The following PRIM2 variants were observed in gnomAD, a reference collection of about 807,000 sequenced individuals.
PRIM2 encodes the protein DNA primase large subunit.
A neutral mutation model predicts 67.3 loss-of-function variants in PRIM2; 39 were observed. That is an observed-to-expected ratio of 0.58 (90% CI 0.45 to 0.76). The LOEUF (loss-of-function observed/expected upper bound fraction) is 0.76, where lower values mean the gene tolerates loss of function less well. Among genes scored for constraint, PRIM2 ranks in the 30% least tolerant of loss-of-function variants. The pLI, the probability that PRIM2 is intolerant of heterozygous loss-of-function variation, is 0.00. For synonymous variants in PRIM2, 143 were observed against 198.7 expected, an observed-to-expected ratio of 0.72 and a Z score of 2.36; for missense variants, 398 against 598.7, an observed-to-expected ratio of 0.66 and a Z score of 3.50.
chr6:57,256,968 G>GA, the PRIM2 span, among the ~76,000 whole-genome samples: 2 of 152,044 alleles, frequency 1.3e-5, no homozygotes, highest in Non-Finnish European at 2.9e-5. Context: ...TGACATTGGG[G>GA]AAAAAAACCC....
chr6:57,405,528 C>G (rs1323574378), intron 7 of PRIM2, among the ~76,000 whole-genome samples: 2 of 137,982 alleles, frequency 1.4e-5, no homozygotes, highest in African/African-American at 2.7e-5. Flanking sequence ...ATTAAACTAA[C>G]TTTCTCATAG....
intron 10 of PRIM2, among the ~76,000 whole-genome samples, chr6:57,592,558 G>A (rs1258534185): frequency 2.6e-5 from 4 of 152,162 alleles, no homozygotes; most frequent in African/African-American, 9.7e-5. Context: ...ACTTTGGGAG[G>A]CTGAGGTGGG....
intron 7 of PRIM2, among the ~76,000 whole-genome samples, chr6:57,481,248 C>T (rs1773621053): frequency 6.6e-6 from 1 of 151,920 alleles, no homozygotes; most frequent in Non-Finnish European, 1.5e-5. Flanking sequence ...CTCATTCTAC[C>T]CTGTTATAGT....
chr6:57,439,575 C>T (rs1772135078), intron 7 of PRIM2, among the ~76,000 whole-genome samples: 1 of 151,662 alleles, frequency 6.6e-6, no homozygotes, highest in African/African-American at 2.4e-5. Flanking sequence ...GCCACCACGC[C>T]CAGCTACTTT....
chr6:57,405,350 T>C (rs1448616585), intron 7 of PRIM2, among the ~76,000 whole-genome samples: 2 of 150,650 alleles, frequency 1.3e-5, no homozygotes, highest in Non-Finnish European at 3.0e-5. Flanking sequence ...TTTTTAACAG[T>C]GACTGGACAT....
chr6:57,261,095 AAGGTTG>A, the PRIM2 span, among the ~76,000 whole-genome samples: 2 of 152,148 alleles, frequency 1.3e-5, no homozygotes, highest in Non-Finnish European at 2.9e-5. Context: ...CTTTTCTGTG[AAGGTTG>A]AGGCTCTCCC....
At chr6:57,370,756 G>A (rs1581836231) in intron 5 of PRIM2, among the ~76,000 whole-genome samples, 1 of 144,724 alleles carries the variant, frequency 6.9e-6, no homozygotes, top group African/African-American at 2.5e-5. Flanking sequence ...GTGCAGTGGT[G>A]CGATCTCAGC....
intron 11 of PRIM2, among the ~76,000 whole-genome samples, chr6:57,606,173 C>A (rs1776557965): frequency 6.6e-6 from 1 of 152,176 alleles, no homozygotes; most frequent in Non-Finnish European, 1.5e-5. Flanking sequence ...AACTCTTGAG[C>A]CTGGAGTGCC....
At chr6:57,474,048 A>T (rs1242314077) in intron 7 of PRIM2, among the ~76,000 whole-genome samples, 4 of 151,892 alleles carry the variant, frequency 2.6e-5, no homozygotes. Context: ...GAATTTGTAG[A>T]TATTATCCAC....
chr6:57,334,534 G>A (rs749673461), intron 5 of PRIM2, among the ~76,000 whole-genome samples: 6 of 152,094 alleles, frequency 3.9e-5, no homozygotes, highest in Admixed American at 2.6e-4. Context: ...GTGTAGTGGT[G>A]CACACCTGTA....
chr6:57,580,243 CA>C (rs1776056446), intron 10 of PRIM2, among the ~76,000 whole-genome samples: 1 of 151,912 alleles, frequency 6.6e-6, no homozygotes, highest in Admixed American at 6.6e-5. Context: ...CTCCTGTTTA[CA>C]AAAAATAAAA....
At chr6:57,496,038 G>A (rs1172917049) in intron 7 of PRIM2, among the ~76,000 whole-genome samples, 1 of 152,132 alleles carries the variant, frequency 6.6e-6, no homozygotes, top group Non-Finnish European at 1.5e-5. Flanking sequence ...GAGCCACTGC[G>A]CCCAGCCCAC....
chr6:57,413,266 A>G (rs1446825025), intron 7 of PRIM2, among the ~76,000 whole-genome samples: 1 of 152,022 alleles, frequency 6.6e-6, no homozygotes, highest in African/African-American at 2.4e-5. Flanking sequence ...GAGAAGGAAA[A>G]AATGGAGGGG....
intron 12 of PRIM2, among the ~76,000 whole-genome samples, chr6:57,625,047 GC>G (rs1464820508): frequency 4.3e-4 from 66 of 152,242 alleles, no homozygotes; most frequent in African/African-American, 1.5e-3. Context: ...GGGGGAAACC[GC>G]CCACATGATT....
At chr6:57,237,344 A>T in the PRIM2 span, among the ~76,000 whole-genome samples, 2 of 151,836 alleles carry the variant, frequency 1.3e-5, no homozygotes, top group Non-Finnish European at 2.9e-5. Context: ...GATTGCAAAA[A>T]TTTTCTCCCA....
chr6:57,255,000 T>C, the PRIM2 span, among the ~76,000 whole-genome samples: 4 of 152,218 alleles, frequency 2.6e-5, no homozygotes, highest in Non-Finnish European at 5.9e-5. Flanking sequence ...GCCTTTTCCC[T>C]GTACCCAGTT....
chr6:57,366,393 A>C (rs1769359318), intron 5 of PRIM2, among the ~76,000 whole-genome samples: 1 of 152,166 alleles, frequency 6.6e-6, no homozygotes, highest in South Asian at 2.1e-4. Context: ...GATGGACACA[A>C]AGAGCCTGTG....
At chr6:57,626,013 T>C (rs1374092568) in intron 12 of PRIM2, among the ~76,000 whole-genome samples, 2 of 152,258 alleles carry the variant, frequency 1.3e-5, no homozygotes, top group African/African-American at 2.4e-5. Context: ...CAGCCCAGTC[T>C]AGTTTTGAAA....
At chr6:57,307,008 A>G in the PRIM2 span, among the ~76,000 whole-genome samples, 1 of 151,958 alleles carries the variant, frequency 6.6e-6, no homozygotes, top group Non-Finnish European at 1.5e-5. Flanking sequence ...AGACCAGCCT[A>G]GCCAACATGG....
Sources: allele counts gnomAD v4.1 joint callset (sites outside exome capture counted in the v4.1 genomes callset), GRCh38; gene constraint gnomAD v4.1.1; transcripts MANE v1.5; gene names NCBI Gene and HGNC (gene_info 2026-07-23, HGNC 2026-07-21).